Variants in SCHIP1 observed in about 807,000 individuals in gnomAD.
SCHIP1 encodes the protein schwannomin interacting protein 1.
Under a neutral mutation model 29.7 loss-of-function variants are expected in SCHIP1, and 8 were observed. The observed-to-expected ratio is 0.27, with a 90% CI of 0.16 to 0.49. SCHIP1 has a LOEUF of 0.49. Ranked by LOEUF, SCHIP1 falls within the 20% of genes least tolerant of loss-of-function variation. The pLI, the probability that SCHIP1 is intolerant of heterozygous loss-of-function variation, is 0.99. For synonymous variants in SCHIP1, 76 were observed against 94.9 expected, an observed-to-expected ratio of 0.80 and a Z score of 1.16; for missense variants, 193 against 294.6, an observed-to-expected ratio of 0.66 and a Z score of 2.52.
the SCHIP1 span, among the ~76,000 whole-genome samples, chr3:159,424,840 C>G: frequency 6.6e-6 from 1 of 152,168 alleles, no homozygotes; most frequent in South Asian, 2.1e-4. Flanking sequence ...AACAGCGGAT[C>G]TCTCGGCAGA....
the SCHIP1 span, among the ~76,000 whole-genome samples, chr3:159,495,652 G>C: frequency 6.6e-6 from 1 of 152,174 alleles, no homozygotes; most frequent in Non-Finnish European, 1.5e-5. Context: ...TGGGTAGGAA[G>C]AATCAATATC....
the SCHIP1 span, among the ~76,000 whole-genome samples, chr3:159,746,990 C>T: frequency 6.6e-6 from 1 of 152,118 alleles, no homozygotes; most frequent in Non-Finnish European, 1.5e-5. Context: ...TTTACTATGC[C>T]CACCCTAATA....
the SCHIP1 span, among the ~76,000 whole-genome samples, chr3:159,691,268 G>C: frequency 6.6e-6 from 1 of 152,062 alleles, no homozygotes; most frequent in Admixed American, 6.5e-5. Flanking sequence ...GAATATAGGT[G>C]CTCCTGTATT....
chr3:159,768,179 TAAAAG>T, the SCHIP1 span: 2 of 152,102 alleles, frequency 1.3e-5, no homozygotes, highest in South Asian at 2.1e-4. Flanking sequence ...TAATTTGAAA[TAAAAG>T]GAAAGGAAGG....
At chr3:159,488,822 G>T in the SCHIP1 span, among the ~76,000 whole-genome samples, 6 of 152,168 alleles carry the variant, frequency 3.9e-5, no homozygotes, top group African/African-American at 1.4e-4. Flanking sequence ...TCCAGTTCTG[G>T]CATCTGCTTC....
the SCHIP1 span, among the ~76,000 whole-genome samples, chr3:159,296,640 T>G: frequency 6.6e-6 from 1 of 151,980 alleles, no homozygotes; most frequent in African/African-American, 2.4e-5. Context: ...CTGGGCATGG[T>G]GGGGGGATAC....
chr3:159,386,272 C>G, the SCHIP1 span, among the ~76,000 whole-genome samples: 3 of 152,152 alleles, frequency 2.0e-5, no homozygotes, highest in Admixed American at 2.0e-4. Context: ...AATCATCACA[C>G]TGTCACAATT....
intron 5 of SCHIP1, among the ~76,000 whole-genome samples, chr3:159,891,380 AAAAG>A (rs1022848982): frequency 6.6e-5 from 10 of 151,976 alleles, no homozygotes; most frequent in Non-Finnish European, 1.2e-4. Flanking sequence ...CAAAAAAAGA[AAAAG>A]GAAGGAAGGA....
the SCHIP1 span, chr3:159,764,189 G>A: frequency 6.8e-6 from 3 of 441,198 alleles, no homozygotes; most frequent in East Asian, 7.0e-5. The surrounding 1 kb of genome is among the most constrained non-coding windows in gnomAD (Gnocchi z 6.1). Flanking sequence ...AAAAGTGTGC[G>A]CGCTGGTGGC....
At chr3:159,736,640 G>C in the SCHIP1 span, among the ~76,000 whole-genome samples, 1 of 152,274 alleles carries the variant, frequency 6.6e-6, no homozygotes, top group South Asian at 2.1e-4. Flanking sequence ...ACCCTTCCAA[G>C]GGAGAGAGAC....
At chr3:159,293,443 G>A in the SCHIP1 span, among the ~76,000 whole-genome samples, 31 of 152,334 alleles carry the variant, frequency 2.0e-4, no homozygotes, top group African/African-American at 7.5e-4. Flanking sequence ...AGGAGCATCA[G>A]CGTATAGAGG....
chr3:159,532,696 C>A, the SCHIP1 span, among the ~76,000 whole-genome samples: 1 of 152,070 alleles, frequency 6.6e-6, no homozygotes, highest in Non-Finnish European at 1.5e-5. Context: ...ATGTCATGAC[C>A]AAATTCCAGC....
At chr3:159,417,905 T>G in the SCHIP1 span, among the ~76,000 whole-genome samples, 1 of 152,084 alleles carries the variant, frequency 6.6e-6, no homozygotes, top group South Asian at 2.1e-4. Context: ...CAGAGCTGAG[T>G]GATCCCAGTC....
At chr3:159,449,547 C>T in the SCHIP1 span, among the ~76,000 whole-genome samples, 3 of 152,124 alleles carry the variant, frequency 2.0e-5, no homozygotes, top group African/African-American at 7.2e-5. Context: ...CATCATAATA[C>T]TTCAGAGGAT....
the SCHIP1 span, among the ~76,000 whole-genome samples, chr3:159,688,816 G>A: frequency 6.6e-6 from 1 of 152,110 alleles, no homozygotes; most frequent in African/African-American, 2.4e-5. Flanking sequence ...TTCTGCATAT[G>A]GCTAGCCAGT....
At chr3:159,523,040 C>T in the SCHIP1 span, among the ~76,000 whole-genome samples, 1 of 152,198 alleles carries the variant, frequency 6.6e-6, no homozygotes, top group Admixed American at 6.5e-5. Flanking sequence ...ACAACTATCA[C>T]ATATTGGCCA....
the SCHIP1 span, among the ~76,000 whole-genome samples, chr3:159,529,193 G>A: frequency 2.0e-5 from 3 of 152,168 alleles, no homozygotes; most frequent in African/African-American, 7.2e-5. Context: ...ATCTAAATGG[G>A]TAAAAACAGT....
chr3:159,832,492 A>C, the SCHIP1 span, among the ~76,000 whole-genome samples: 1 of 152,084 alleles, frequency 6.6e-6, no homozygotes, highest in Admixed American at 6.5e-5. Context: ...GCTCTGATTT[A>C]TTAACAAGCT....
At chr3:159,346,872 G>C in the SCHIP1 span, among the ~76,000 whole-genome samples, 2 of 152,092 alleles carry the variant, frequency 1.3e-5, no homozygotes, top group Admixed American at 6.5e-5. Context: ...ATAAAATCTG[G>C]GGGATATCAG....
Sources: allele counts gnomAD v4.1 joint callset (sites outside exome capture counted in the v4.1 genomes callset), GRCh38; gene constraint gnomAD v4.1.1; non-coding constraint Gnocchi (gnomAD v3.1); transcripts MANE v1.5; gene names NCBI Gene and HGNC (gene_info 2026-07-23, HGNC 2026-07-21).